The following OSBPL3 variants were observed in gnomAD, a reference collection of about 807,000 sequenced individuals.
The protein encoded by OSBPL3 is oxysterol binding protein like 3.
Under a neutral mutation model 120.1 loss-of-function variants are expected in OSBPL3, and 65 were observed. The observed-to-expected ratio is 0.54, with a 90% CI of 0.44 to 0.67. The LOEUF is 0.67. OSBPL3 is among the 30% of genes least tolerant of loss of function. OSBPL3 has a pLI of 0.00. For synonymous variants in OSBPL3, 416 were observed against 402.6 expected (o/e 1.03, Z -0.40); for missense variants, 1,004 against 1,082.1 (o/e 0.93, Z 1.01).
chr7:24,902,237 A>G (rs747103737), intron 1 of OSBPL3, among the ~76,000 whole-genome samples: 35 of 152,100 alleles, frequency 2.3e-4, no homozygotes, highest in Non-Finnish European at 3.4e-4. Flanking sequence ...CACAATAGGT[A>G]TTTTACTCTT....
chr7:24,863,573 C>T lies in OSBPL3; in HGVS notation c.700G>A (p.Val234Ile), dbSNP rs143698939. ...CTTTGCAGGAGCTGGCTCATTTCTA[C>T]CAGGTAGGCATGACAGTGCGCCAGG... Reference protein sequence around the residue: ...KDLAHCHAYLVEMSQLLQSMD... With the variant: ...KDLAHCHAYLIEMSQLLQSMD... The change falls in exon 8 of 23, where the codon GTA (valine) becomes ATA (isoleucine). Residue 234 changes from valine to isoleucine, a missense_variant. Physicochemically the swap from Val to Ile is conservative, Grantham distance 29 (BLOSUM62 3). Coordinates refer to ENST00000313367, the MANE Select transcript of OSBPL3 (RefSeq NM_015550.4). The surrounding 1 kb of genome is among the most constrained non-coding windows in gnomAD (Gnocchi z 5.8). 2.5e-6 allele frequency: 4 copies of T among 1,613,926 alleles called. No individual in the cohort carries two copies. The highest frequency in any genetic ancestry group is 2.5e-6 in the Non-Finnish European group (3 of 1,179,826).
rs1419938880 is a variant in OSBPL3, at chr7:24,806,736, T to G, written c.2444+40A>C. On this transcript the variant is annotated intron_variant, in intron 21 of 22. Coordinates refer to ENST00000313367, the MANE Select transcript of OSBPL3 (RefSeq NM_015550.4). The surrounding 1 kb of genome is among the most constrained non-coding windows in gnomAD (Gnocchi z 5.2). ...GTTAATAAGACTTTTTGTAAAGGGT[T>G]TTACATCTCTGGAGAGAAAAATCTT... 1 of 1,601,314 alleles carries G rather than the reference T, an allele frequency of 6.2e-7. No homozygotes were observed. Among genetic ancestry groups the G allele is most frequent in the South Asian group, 1.1e-5 (1 of 89,210 alleles).
chr7:24,881,872 C>T lies in OSBPL3; in HGVS notation c.97-9803G>A, dbSNP rs146944664. The stretch of plus-strand genomic sequence containing the variant: ...GCCAGCATTCCATGGCATGGCTTGG[C>T]TTGTAGCTGCATCACTCCAATCTCT... On this transcript the variant is annotated intron_variant, in intron 2 of 22. Coordinates refer to ENST00000313367, the MANE Select transcript of OSBPL3 (RefSeq NM_015550.4). This position sits in a 1 kb window ranked among gnomAD's most constrained non-coding sequence, Gnocchi z 4.3. 6.6e-6 allele frequency among the ~76,000 whole-genome samples: 1 copy of T among 152,296 alleles called. No individual in the cohort carries two copies. The highest frequency in any genetic ancestry group is 2.4e-5 in the African/African-American group (1 of 41,580).
intron 2 of OSBPL3, among the ~76,000 whole-genome samples, chr7:24,886,714 A>C (rs1804581340): frequency 6.6e-6 from 1 of 152,268 alleles, no homozygotes. Context: ...GAAGCAATTG[A>C]AAGAGGAAAG....
chr7:24,826,417 T>C (rs554986720), intron 16 of OSBPL3, among the ~76,000 whole-genome samples: 1 of 152,266 alleles, frequency 6.6e-6, no homozygotes, highest in African/African-American at 2.4e-5. Context: ...AAGTCCTATG[T>C]GAGTCTGGAG....
rs552779447 is a variant in OSBPL3 at position 24,899,153 on chromosome 7, C to T, written c.-149-6532G>A. Among the ~76,000 whole-genome samples the T allele has an allele frequency of 6.6e-6, 1 of 152,102 alleles. No homozygotes were observed. The highest frequency in any genetic ancestry group is 1.5e-5 in the Non-Finnish European group (1 of 68,028). On this transcript the variant is annotated intron_variant, in intron 1 of 22. Coordinates refer to ENST00000313367, the MANE Select transcript of OSBPL3 (RefSeq NM_015550.4). The surrounding 1 kb of genome is among the most constrained non-coding windows in gnomAD (Gnocchi z 4.0). ...ACATGGATCAAGAGCCCTTGTGATCCCAGATGTTCAACTTTGATCACCCTT... is the reference window on the plus strand; with the variant it reads ...ACATGGATCAAGAGCCCTTGTGATCTCAGATGTTCAACTTTGATCACCCTT...
intron 2 of OSBPL3, among the ~76,000 whole-genome samples, chr7:24,884,616 C>T (rs576347563): frequency 3.3e-5 from 5 of 152,282 alleles, no homozygotes; most frequent in Non-Finnish European, 7.4e-5. Context: ...GCTCCCGGGA[C>T]TCCTCTGCTC....
chr7:24,857,575 G>C (rs1799991763), intron 10 of OSBPL3, among the ~76,000 whole-genome samples: 1 of 152,248 alleles, frequency 6.6e-6, no homozygotes, highest in Non-Finnish European at 1.5e-5. Context: ...AAGGGCCAGA[G>C]AGGTTAATAA....
chr7:24,916,683 A>T lies in OSBPL3; in HGVS notation c.-149-24062T>A, dbSNP rs999849390. Among the ~76,000 whole-genome samples, 1 of 152,084 alleles carries T rather than the reference A, an allele frequency of 6.6e-6. No individual in the cohort carries two copies. The highest frequency in any genetic ancestry group is 6.6e-5 in the Admixed American group (1 of 15,264). On this transcript the variant is annotated intron_variant, in intron 1 of 22. Transcript: ENST00000313367. This position sits in a 1 kb window ranked among gnomAD's most constrained non-coding sequence, Gnocchi z 4.9. ...CATTATGTGCCATGCTCTAAGGTGA[A>T]AGAATCTGCCTAATATCATTCCTCC...
At chr7:24,905,597 T>C (rs753395476) in intron 1 of OSBPL3, among the ~76,000 whole-genome samples, 26 of 152,142 alleles carry the variant, frequency 1.7e-4, no homozygotes, top group East Asian at 3.9e-4. Context: ...GAGTCCATGA[T>C]TGAAGTGGAA....
chr7:24,978,518 G>T (rs1817832736), intron 1 of OSBPL3, among the ~76,000 whole-genome samples: 1 of 152,184 alleles, frequency 6.6e-6, no homozygotes, highest in South Asian at 2.1e-4. Context: ...CGGGTGATGT[G>T]GCTTGGCTGG....
chr7:24,843,836 T>C (rs1010417775), intron 12 of OSBPL3, among the ~76,000 whole-genome samples: 2 of 152,228 alleles, frequency 1.3e-5, no homozygotes, highest in African/African-American at 2.4e-5. Flanking sequence ...CATAAAGCTA[T>C]TGAGCTTGAA....
At position 24,863,608 on chromosome 7, in the gene OSBPL3, G is replaced by A. The variant is rs62449857; in HGVS notation, c.674-9C>T. On this transcript the variant is annotated splice_polypyrimidine_tract_variant and intron_variant, in intron 7 of 22. Coordinates refer to ENST00000313367, the MANE Select transcript of OSBPL3 (RefSeq NM_015550.4). This position sits in a 1 kb window ranked among gnomAD's most constrained non-coding sequence, Gnocchi z 5.8. ...ATGACAGTGCGCCAGGTCTGTGGGG[G>A]AAAAGAGGACAGTGCTCACAATGCT... is the stretch of plus-strand genomic sequence containing the variant. 1 of 1,586,478 alleles carries A rather than the reference G, an allele frequency of 6.3e-7. No individual in the cohort carries two copies. The highest frequency in any genetic ancestry group is 8.7e-7 in the Non-Finnish European group (1 of 1,154,974).
chr7:24,964,773 C>A lies in OSBPL3; in HGVS notation c.-150+15113G>T, dbSNP rs989960577. ...AGGTAAGATATTGACAATGGGAAAA[C>A]CACTTGGGGCATATGGGAATTTTTT... On this transcript the variant is annotated intron_variant, in intron 1 of 22. Coordinates refer to ENST00000313367, the MANE Select transcript of OSBPL3 (RefSeq NM_015550.4). The surrounding 1 kb of genome is among the most constrained non-coding windows in gnomAD (Gnocchi z 4.2). Among the ~76,000 whole-genome samples, 1 of 152,128 alleles carries A rather than the reference C, an allele frequency of 6.6e-6. No homozygotes were observed. Among genetic ancestry groups the A allele is most frequent in the Admixed American group, 6.5e-5 (1 of 15,284 alleles).
In OSBPL3 at chr7:24,863,679, T is replaced by C; in HGVS notation, c.674-80A>G. The C allele has an allele frequency of 1.1e-6, 1 of 918,274 alleles. No homozygotes were observed. Among genetic ancestry groups the C allele is most frequent in the Non-Finnish European group, 1.7e-6 (1 of 574,528 alleles). The allele number at this position is 918,274 out of a possible 1,614,324, so 56.9% of individuals were successfully genotyped here. On this transcript the variant is annotated intron_variant, in intron 7 of 22. Coordinates refer to ENST00000313367, the MANE Select transcript of OSBPL3 (RefSeq NM_015550.4). The surrounding 1 kb of genome is among the most constrained non-coding windows in gnomAD (Gnocchi z 5.8). ...TGTGCTGTCCCCATGCCAGCTACTT[T>C]TCCTTATTTATCTGTAGTTGATTTT...
At chr7:24,886,860 G>C (rs998934134) in intron 2 of OSBPL3, among the ~76,000 whole-genome samples, 1 of 152,062 alleles carries the variant, frequency 6.6e-6, no homozygotes, top group Middle Eastern at 3.2e-3. Flanking sequence ...TGTCTCTCAT[G>C]AATCAACTCT....
chr7:24,856,205 C>T (rs149126616), intron 10 of OSBPL3, among the ~76,000 whole-genome samples: 6 of 152,206 alleles, frequency 3.9e-5, no homozygotes, highest in African/African-American at 1.2e-4. Flanking sequence ...GAGGCAGGCA[C>T]AGGTTGAGTT....
At chr7:24,907,833 T>G (rs1444267495) in intron 1 of OSBPL3, among the ~76,000 whole-genome samples, 4 of 152,242 alleles carry the variant, frequency 2.6e-5, no homozygotes, top group Non-Finnish European at 5.9e-5. Context: ...TGCTAGATGT[T>G]GGGTCTATAT....
rs1053797793 is a variant in OSBPL3, at chr7:24,819,661, T to C, written c.1948+514A>G. ...ACCTAGGATGCTTATATGTTCCTTC[T>C]ACAGTACACTTTTTTTTAATAAATT... On this transcript the variant is annotated intron_variant, in intron 17 of 22. Transcript: ENST00000313367. This position sits in a 1 kb window ranked among gnomAD's most constrained non-coding sequence, Gnocchi z 4.1. Among the ~76,000 whole-genome samples the C allele has an allele frequency of 2.6e-4, 40 of 152,104 alleles. No individual in the cohort carries two copies. Among genetic ancestry groups the C allele is most frequent in the African/African-American group, 9.4e-4 (39 of 41,364 alleles).
Sources: allele counts gnomAD v4.1 joint callset (sites outside exome capture counted in the v4.1 genomes callset), GRCh38; gene constraint gnomAD v4.1.1; non-coding constraint Gnocchi (gnomAD v3.1); transcripts MANE v1.5; gene names NCBI Gene and HGNC (gene_info 2026-07-23, HGNC 2026-07-21).